Variants in ANAPC5 observed in about 807,000 individuals in gnomAD.
ANAPC5 encodes anaphase promoting complex subunit 5.
A neutral mutation model predicts 91.3 loss-of-function variants in ANAPC5; 60 were observed. The ratio of observed to expected loss-of-function variants is 0.66; its 90% CI spans 0.53 to 0.81. The LOEUF is 0.81. Ranked by LOEUF, ANAPC5 falls within the 40% of genes least tolerant of loss-of-function variation. The pLI is 0.00. For synonymous variants in ANAPC5, 340 were observed against 364.1 expected (o/e 0.93, Z 0.75); for missense variants, 690 against 931.5 (o/e 0.74, Z 3.37).
chr12:121,319,623 T>G (rs1902515909), intron 13 of ANAPC5, 74 bp downstream of exon 13: 26 of 1,427,224 alleles, frequency 1.8e-5, no homozygotes, highest in Non-Finnish European at 2.3e-5. Context: ...AATAAATTAA[T>G]GCACATATAA....
Position 121,309,820 on chromosome 12 carries a change from A to G in ANAPC5, c.1937T>C (p.Met646Thr), listed in dbSNP as rs1902085738. 1 of 1,614,156 alleles carries G rather than the reference A, an allele frequency of 6.2e-7. No individual in the cohort carries two copies. The highest frequency in any genetic ancestry group is 8.5e-7 in the Non-Finnish European group (1 of 1,180,014). ...GTCAGCCAAGATGGGCTCGATGGCC[A>G]TGTGGAGAAGACTTAAGGCCTGTTC... ...IPEQALSLLHMAIEPILADGA... is the reference protein window; with the variant it reads ...IPEQALSLLHTAIEPILADGA... The change falls in exon 16 of 17, where the codon ATG becomes ACG. Residue 646 changes from methionine to threonine, a missense_variant. Met to Thr is a moderately conservative substitution (Grantham distance 81). Coordinates refer to ENST00000261819, the MANE Select transcript of ANAPC5 (RefSeq NM_016237.5).
At chr12:121,350,464 G>A (rs1404575520) in intron 1 of ANAPC5, among the ~76,000 whole-genome samples, 3 of 152,058 alleles carry the variant, frequency 2.0e-5, no homozygotes, top group Non-Finnish European at 4.4e-5. Flanking sequence ...GACAGATCAC[G>A]AGGTCTGGAG....
Position 121,319,819 on chromosome 12 carries a change from C to T in ANAPC5, c.1516-1G>A, listed in dbSNP as rs377175953. On this transcript the variant is annotated splice_acceptor_variant, in intron 12 of 16. Coordinates refer to ENST00000261819, the MANE Select transcript of ANAPC5 (RefSeq NM_016237.5). LOFTEE classifies it high-confidence loss of function. ...TTTTTTGATCACATAGCATCCATAA[C>T]TAGTAAGAAAAAAAAACACAATTAA... 2 of 1,589,718 alleles carry T rather than the reference C, an allele frequency of 1.3e-6. No homozygotes were observed. The highest frequency in any genetic ancestry group is 1.7e-6 in the Non-Finnish European group (2 of 1,170,326).
intron 11 of ANAPC5, among the ~76,000 whole-genome samples, chr12:121,323,706 T>G (rs1902704641): frequency 6.6e-6 from 1 of 152,204 alleles, no homozygotes; most frequent in Non-Finnish European, 1.5e-5. Flanking sequence ...ATGCACTTTT[T>G]GTCTACATAG....
intron 15 of ANAPC5, among the ~76,000 whole-genome samples, chr12:121,316,978 A>G (rs1902391471): frequency 1.3e-5 from 2 of 152,110 alleles, no homozygotes; most frequent in South Asian, 4.1e-4. Context: ...AAGTAAAAGA[A>G]GCCAATCAAA....
intron 7 of ANAPC5, 26 bp downstream of exon 7, chr12:121,335,507 G>A (rs369123565): frequency 9.0e-6 from 14 of 1,556,676 alleles, no homozygotes; most frequent in African/African-American, 2.7e-5. Flanking sequence ...TTCAATTTGC[G>A]CAAGGACAAA....
chr12:121,341,567 A>C (rs187474185), intron 5 of ANAPC5, among the ~76,000 whole-genome samples: 10 of 152,314 alleles, frequency 6.6e-5, no homozygotes, highest in Non-Finnish European at 1.5e-4. Flanking sequence ...AAAAAATAAG[A>C]TGAAATGGTG....
At chr12:121,339,891 T>TC (rs1160442619) in intron 5 of ANAPC5, among the ~76,000 whole-genome samples, 47 of 146,530 alleles carry the variant, frequency 3.2e-4, no homozygotes, top group Admixed American at 7.6e-4. Context: ...TTTTTTTTTT[T>TC]CCCAGATGGA....
chr12:121,311,550 A>C (rs1209423348), intron 15 of ANAPC5, among the ~76,000 whole-genome samples: 1 of 152,196 alleles, frequency 6.6e-6, no homozygotes, highest in Non-Finnish European at 1.5e-5. Flanking sequence ...CAACAATAAT[A>C]GGCCAGGCAC....
At chr12:121,337,791 C>T (rs12830931) in intron 5 of ANAPC5, among the ~76,000 whole-genome samples, 7,445 of 152,108 alleles carry the variant, frequency 0.049, 195 homozygotes, top group South Asian at 0.082. Context: ...CACTTACCCC[C>T]CCTGTGGCAC....
At chr12:121,317,226 T>TTAAAGTGG (rs1902402038) in intron 15 of ANAPC5, among the ~76,000 whole-genome samples, 1 of 152,104 alleles carries the variant, frequency 6.6e-6, no homozygotes, top group African/African-American at 2.4e-5. Flanking sequence ...TTTAAAATGG[T>TTAAAGTGG]TAAAGTGGTA....
intron 1 of ANAPC5, chr12:121,351,189 G>A (rs782416834): frequency 5.1e-6 from 2 of 394,580 alleles, no homozygotes; most frequent in Non-Finnish European, 1.0e-5. Context: ...TGGGTAACAT[G>A]GCAAAATCCC....
Position 121,308,347 on chromosome 12 carries a change from TA to T in ANAPC5, c.*132del. 1.4e-6 allele frequency: 1 copy of T among 724,910 alleles called. No individual in the cohort carries two copies. Among genetic ancestry groups the T allele is most frequent in the Non-Finnish European group, 2.2e-6 (1 of 445,954 alleles). The allele number at this position is 724,910 out of a possible 1,614,324, so 44.9% of individuals were successfully genotyped here. A position where few individuals can be genotyped will look rare whatever the true frequency, so the allele number is the denominator to read the frequency against. On this transcript the variant is annotated 3_prime_UTR_variant, in exon 17 of 17. Coordinates refer to ENST00000261819, the MANE Select transcript of ANAPC5 (RefSeq NM_016237.5). ...AAATACGTAGTTACTAGCAACAAAA[TA>T]AGACAAACTAATCAGAATGCTGTTT...
At chr12:121,315,022 AAGAGGTAAAACTATCTCTATTTGC>A (rs1329556210) in intron 15 of ANAPC5, among the ~76,000 whole-genome samples, 4 of 152,288 alleles carry the variant, frequency 2.6e-5, no homozygotes, top group South Asian at 2.1e-4. Flanking sequence ...GTGGGAATGG[AAGAGGTAAAACTATCTCTATTTGC>A]AGATGACATG....
At chr12:121,328,642 T>A in intron 9 of ANAPC5, 145 bp from the exon 10 acceptor site, 1 of 718,576 alleles carries the variant, frequency 1.4e-6, no homozygotes, top group Non-Finnish European at 2.3e-6. Flanking sequence ...AACCTGGCCT[T>A]AACCCTGAGC....
rs368877111 is a variant in ANAPC5 at position 121,342,038 on chromosome 12, A to C, written c.622T>G (p.Ser208Ala). 10 of 1,610,324 alleles carry C rather than the reference A, an allele frequency of 6.2e-6. No individual in the cohort carries two copies. The highest frequency in any genetic ancestry group is 1.3e-5 in the African/African-American group (1 of 74,822). The change falls in exon 5 of 17, where the codon TCC becomes GCC. Residue 208 changes from serine (S) to alanine (A), a missense_variant. Coordinates refer to ENST00000261819, the MANE Select transcript of ANAPC5 (RefSeq NM_016237.5). This position sits in a 1 kb window ranked among gnomAD's most constrained non-coding sequence, Gnocchi z 4.1. The stretch of plus-strand genomic sequence containing the variant: ...AGAAAAAATTCTGCTTGTTTTTGGG[A>C]CAGAGGCCCACTGCAAGATACCTCC... ...EEEVSCSGPL[S>A]QKQAEFFLSQ...
chr12:121,328,228 C>T (rs555568383), intron 10 of ANAPC5, 88 bp downstream of exon 10: 3 of 1,216,532 alleles, frequency 2.5e-6, no homozygotes, highest in Admixed American at 2.0e-5. Context: ...GCAGGTAAAT[C>T]TTGTATGTAT....
At chr12:121,351,089 C>T (rs1159859314) in intron 1 of ANAPC5, 5 of 446,606 alleles carry the variant, frequency 1.1e-5, no homozygotes, top group East Asian at 7.6e-5. Flanking sequence ...TAACACATGA[C>T]GGCCGGGCGC....
intron 11 of ANAPC5, among the ~76,000 whole-genome samples, chr12:121,325,023 G>C (rs1555272156): frequency 6.6e-6 from 1 of 152,194 alleles, no homozygotes; most frequent in Non-Finnish European, 1.5e-5. Flanking sequence ...TTAATTAGCT[G>C]TGTGGTAGCA....
Sources: gnomAD v4.1 joint callset for allele counts (sites outside exome capture counted in the v4.1 genomes callset) on GRCh38, gnomAD v4.1.1 for gene constraint, Gnocchi (gnomAD v3.1) non-coding constraint, MANE v1.5 for transcripts, NCBI Gene and HGNC (gene_info 2026-07-23, HGNC 2026-07-21) for gene names.